Variants in DOK6 observed in about 807,000 individuals in gnomAD.
DOK6 encodes the protein docking protein 6.
A neutral mutation model predicts 44.0 loss-of-function variants in DOK6; 22 were observed. The observed-to-expected ratio is 0.50, with a 90% CI of 0.36 to 0.71. DOK6 has a LOEUF of 0.71. DOK6 is among the 30% of genes least tolerant of loss of function. DOK6 has a pLI of 0.00. For missense variants in DOK6, 340 were observed against 416.4 expected, an observed-to-expected ratio of 0.82 and a Z score of 1.60; for synonymous variants, 166 against 145.5, an observed-to-expected ratio of 1.14 and a Z score of -1.01.
At chr18:69,712,230 G>A (rs1265142510) in intron 5 of DOK6, among the ~76,000 whole-genome samples, 2 of 121,720 alleles carry the variant, frequency 1.6e-5, no homozygotes, top group Admixed American at 9.9e-5. Context: ...GCAGTGAGCC[G>A]AGATCCCGCC....
chr18:69,791,009 A>G (rs1159520669), intron 7 of DOK6, among the ~76,000 whole-genome samples: 1 of 147,312 alleles, frequency 6.8e-6, no homozygotes, highest in Non-Finnish European at 1.5e-5. Flanking sequence ...TAGCTCCCAC[A>G]ACTAAGTAAG....
chr18:69,430,317 T>A (rs145242029), intron 1 of DOK6, among the ~76,000 whole-genome samples: 145 of 152,320 alleles, frequency 9.5e-4, no homozygotes, highest in African/African-American at 3.4e-3. Flanking sequence ...GGAAAGTAGG[T>A]CATTTTTGGC....
intron 7 of DOK6, among the ~76,000 whole-genome samples, chr18:69,759,145 T>G (rs1156400586): frequency 6.6e-6 from 1 of 151,518 alleles, no homozygotes; most frequent in Non-Finnish European, 1.5e-5. Context: ...GAATAAGGAT[T>G]AGAGGGTTAA....
In DOK6 at chr18:69,401,322, G is replaced by A. The variant is rs775057063; in HGVS notation, c.66+12G>A. ...GCAGGAAGCTTGGGGTGAGTGGCTC[G>A]CTCGGCTTGCTCCTTCCCCGGCGCT... On this transcript the variant is annotated intron_variant, in intron 1 of 7. Coordinates refer to ENST00000382713, the MANE Select transcript of DOK6 (RefSeq NM_152721.6). 6.6e-7 allele frequency: 1 copy of A among 1,509,800 alleles called. No homozygotes were observed. Among genetic ancestry groups the A allele is most frequent in the Admixed American group, 2.1e-5 (1 of 47,514 alleles). The allele number at this position is 1,509,800 out of a possible 1,614,324, so 93.5% of individuals were successfully genotyped here. A position where few individuals can be genotyped will look rare whatever the true frequency, so the allele number is the denominator to read the frequency against.
At chr18:69,648,964 C>CAA (rs1259513496) in intron 3 of DOK6, among the ~76,000 whole-genome samples, 1 of 152,146 alleles carries the variant, frequency 6.6e-6, no homozygotes, top group Non-Finnish European at 1.5e-5. Context: ...TTTTCTACTA[C>CAA]AAAGCACTTA....
intron 1 of DOK6, among the ~76,000 whole-genome samples, chr18:69,518,406 A>T (rs1981591704): frequency 6.6e-6 from 1 of 151,292 alleles, no homozygotes; most frequent in African/African-American, 2.4e-5. Context: ...TCTACTTATT[A>T]TTCTGATCTT....
intron 6 of DOK6, among the ~76,000 whole-genome samples, chr18:69,747,324 G>A (rs181633343): frequency 1.6e-4 from 25 of 152,246 alleles, no homozygotes; most frequent in Admixed American, 3.9e-4. Flanking sequence ...TTATACAAAT[G>A]AATTTTATGT....
intron 5 of DOK6, among the ~76,000 whole-genome samples, chr18:69,722,796 C>A (rs940202261): frequency 2.6e-5 from 4 of 152,034 alleles, no homozygotes; most frequent in African/African-American, 9.7e-5. Context: ...ATAATCAGCA[C>A]CAAAATCAAA....
At chr18:69,414,196 C>A (rs1221400257) in intron 1 of DOK6, among the ~76,000 whole-genome samples, 1 of 152,004 alleles carries the variant, frequency 6.6e-6, no homozygotes, top group Non-Finnish European at 1.5e-5. Context: ...TCTTGACAAC[C>A]TACATATGCA....
At chr18:69,501,132 G>T (rs114239144) in intron 1 of DOK6, among the ~76,000 whole-genome samples, 1 of 151,990 alleles carries the variant, frequency 6.6e-6, no homozygotes, top group Non-Finnish European at 1.5e-5. Flanking sequence ...TACCTAAAAC[G>T]TCATATTTTC....
At position 69,434,954 on chromosome 18, in the gene DOK6, G is replaced by GGAAGGAAGGAA. The variant is rs1568256358; in HGVS notation, c.66+33645_66+33646insAAGGAAGGAAG. On this transcript the variant is annotated intron_variant, in intron 1 of 7. Transcript: ENST00000382713. ...AGGGAGGGAGGGAGGGAGGGAGGGA[G>GGAAGGAAGGAA]GGAAGGAAGGAAGGAAGGAAGGAAG... Among the ~76,000 whole-genome samples, 54 of 62,974 alleles carry GGAAGGAAGGAA rather than the reference G, an allele frequency of 8.6e-4. 1 individual carries two copies. The highest frequency in any genetic ancestry group is 2.2e-3 in the Admixed American group (11 of 5,020). The allele number at this position is 62,974 out of a possible 152,430, so 41.3% of individuals were successfully genotyped here. A position where few individuals can be genotyped will look rare whatever the true frequency, so the allele number is the denominator to read the frequency against.
At chr18:69,693,916 G>A (rs946643944) in intron 4 of DOK6, among the ~76,000 whole-genome samples, 3 of 151,552 alleles carry the variant, frequency 2.0e-5, no homozygotes, top group Non-Finnish European at 2.9e-5. Flanking sequence ...AAAATTAGCC[G>A]GGCGTGGTGG....
At chr18:69,794,679 A>T (rs1455129074) in intron 7 of DOK6, among the ~76,000 whole-genome samples, 1 of 152,094 alleles carries the variant, frequency 6.6e-6, no homozygotes, top group Non-Finnish European at 1.5e-5. Context: ...CCTGTTAGAA[A>T]CCAGGCCACA....
At chr18:69,581,887 C>CA (rs1183243304) in intron 2 of DOK6, among the ~76,000 whole-genome samples, 5 of 152,128 alleles carry the variant, frequency 3.3e-5, no homozygotes, top group African/African-American at 4.8e-5. Flanking sequence ...GGACATGCAG[C>CA]AGTCATTTTG....
intron 1 of DOK6, among the ~76,000 whole-genome samples, chr18:69,459,694 CT>C (rs1290239732): frequency 6.6e-6 from 1 of 152,130 alleles, no homozygotes; most frequent in Non-Finnish European, 1.5e-5. Context: ...GTACTCAGAA[CT>C]TTACTATTTT....
chr18:69,554,490 G>A (rs1027549845), intron 1 of DOK6, among the ~76,000 whole-genome samples: 2 of 152,162 alleles, frequency 1.3e-5, no homozygotes, highest in South Asian at 2.1e-4. Context: ...AGATTTGCAC[G>A]TGAGGTTCTA....
intron 1 of DOK6, among the ~76,000 whole-genome samples, chr18:69,503,202 TA>T (rs1981092988): frequency 6.6e-6 from 1 of 152,110 alleles, no homozygotes; most frequent in Admixed American, 6.5e-5. Flanking sequence ...TTATTAGACC[TA>T]AAAATATAGT....
chr18:69,566,131 A>G (rs889885751), intron 2 of DOK6, among the ~76,000 whole-genome samples: 4 of 151,398 alleles, frequency 2.6e-5, no homozygotes, highest in African/African-American at 4.9e-5. Flanking sequence ...TTATTTATTT[A>G]TTTATTTATT....
chr18:69,515,655 A>C (rs755800868), intron 1 of DOK6, among the ~76,000 whole-genome samples: 3 of 152,276 alleles, frequency 2.0e-5, no homozygotes, highest in Non-Finnish European at 4.4e-5. Flanking sequence ...AATGAATTAG[A>C]GAAAACTATG....
Sources: allele counts gnomAD v4.1 joint callset (sites outside exome capture counted in the v4.1 genomes callset), GRCh38; gene constraint gnomAD v4.1.1; transcripts MANE v1.5; gene names NCBI Gene and HGNC (gene_info 2026-07-23, HGNC 2026-07-21).